ICE1: variants seen among roughly 807,000 people sequenced by gnomAD.
ICE1 encodes little elongation complex subunit 1.
Under a neutral mutation model 192.7 loss-of-function variants are expected in ICE1, and 64 were observed. That is an observed-to-expected ratio of 0.33 (90% CI 0.27 to 0.41). The LOEUF is 0.41. Among genes scored for constraint, ICE1 ranks in the 10% least tolerant of loss-of-function variants. ICE1 has a pLI of 1.00. For missense variants in ICE1, 2,708 were observed against 2,696.0 expected (o/e 1.00, Z -0.10); for synonymous variants, 1,010 against 984.5 (o/e 1.03, Z -0.49).
chr5:5,454,088 A>G (rs1182059556), intron 10 of ICE1, among the ~76,000 whole-genome samples: 1 of 152,090 alleles, frequency 6.6e-6, no homozygotes, highest in Non-Finnish European at 1.5e-5. Flanking sequence ...AAGTCTAGTG[A>G]CTTTTCTGAT....
At chr5:5,455,901 A>G (rs1173461351) in intron 11 of ICE1, among the ~76,000 whole-genome samples, 1 of 151,738 alleles carries the variant, frequency 6.6e-6, no homozygotes, top group Non-Finnish European at 1.5e-5. Flanking sequence ...CAGTACAGGA[A>G]CCCACGTTGC....
rs747920309 is a variant in ICE1 at position 5,457,640 on chromosome 5, A to G, written c.1000A>G (p.Ile334Val). Reference protein sequence around the residue: ...HFFDEDLQAAIDFFKLPPPLL... With the variant: ...HFFDEDLQAAVDFFKLPPPLL... ...TTTTGATGAAGATCTTCAAGCTGCA[A>G]TTGACTTCTTCAAACTTCCCCCTCC... Residue 334 changes from isoleucine (I) to valine (V), a missense_variant, in exon 12 of 19, where the codon ATT (isoleucine) becomes GTT (valine). Transcript: ENST00000296564. The G allele has an allele frequency of 2.3e-5, 37 of 1,613,750 alleles. No homozygotes were observed. The highest frequency in any genetic ancestry group is 2.9e-5 in the Non-Finnish European group (34 of 1,179,860).
intron 17 of ICE1, among the ~76,000 whole-genome samples, chr5:5,480,236 G>T (rs1739460275): frequency 6.7e-6 from 1 of 150,238 alleles, no homozygotes. Context: ...AGTATCTTTG[G>T]ATTTTTCTTT....
intron 4 of ICE1, 105 bp downstream of exon 4, chr5:5,440,018 C>T (rs369588396): frequency 3.1e-6 from 2 of 639,516 alleles, no homozygotes; most frequent in Non-Finnish European, 5.3e-6. Flanking sequence ...GCAAAATGTA[C>T]ATAGGATTAC....
intron 1 of ICE1, among the ~76,000 whole-genome samples, chr5:5,424,075 G>A (rs550076251): frequency 9.3e-4 from 141 of 152,284 alleles, no homozygotes; most frequent in Non-Finnish European, 1.8e-3. Flanking sequence ...GGGATTAACA[G>A]GTGGAAAGGT....
At chr5:5,430,916 A>C (rs374970390) in intron 1 of ICE1, among the ~76,000 whole-genome samples, 2 of 152,240 alleles carry the variant, frequency 1.3e-5, no homozygotes, top group African/African-American at 4.8e-5. Context: ...CTGCTATGCC[A>C]GGGACTGGAT....
chr5:5,473,543 C>A lies in ICE1; in HGVS notation c.6223-15C>A, dbSNP rs772194242. ...TGAAACTCCAGATTTTATTTTATTT[C>A]TTTTCATTTGCTAGAATGCCCCGGT... On this transcript the variant is annotated splice_polypyrimidine_tract_variant and intron_variant, in intron 15 of 18. Coordinates refer to ENST00000296564, the MANE Select transcript of ICE1 (RefSeq NM_015325.3). 8.1e-6 allele frequency: 13 copies of A among 1,595,396 alleles called. No homozygotes were observed. Among genetic ancestry groups the A allele is most frequent in the African/African-American group, 1.4e-5 (1 of 73,630 alleles).
chr5:5,456,696 A>G (rs1296670986), intron 11 of ICE1, among the ~76,000 whole-genome samples: 1 of 152,070 alleles, frequency 6.6e-6, no homozygotes, highest in East Asian at 1.9e-4. Flanking sequence ...TGGATCCTCT[A>G]TAAAACTTAT....
chr5:5,462,271 A>C lies in ICE1; in HGVS notation c.2937A>C (p.Gly979=), dbSNP rs1467759397. ...TTGTGAGAGAAGCTGCAGTGCAGGGAGATGGGCAGAAGCAAAGGCAGCCTC... is the reference window on the plus strand; with the variant it reads ...TTGTGAGAGAAGCTGCAGTGCAGGGCGATGGGCAGAAGCAAAGGCAGCCTC... ...QDIVREAAVQ[G]DGQKQRQPQA... is the part of the protein sequence containing the mutation. The change falls in exon 13 of 19, where the codon GGA becomes GGC. Residue 979 remains glycine, a synonymous_variant. Coordinates refer to ENST00000296564, the MANE Select transcript of ICE1 (RefSeq NM_015325.3). 6.2e-7 allele frequency: 1 copy of C among 1,613,376 alleles called. No individual in the cohort carries two copies. The highest frequency in any genetic ancestry group is 8.5e-7 in the Non-Finnish European group (1 of 1,179,542).
At chr5:5,482,486 CTGA>C (rs1369598016) in intron 17 of ICE1, among the ~76,000 whole-genome samples, 1 of 152,214 alleles carries the variant, frequency 6.6e-6, no homozygotes, top group East Asian at 1.9e-4. Context: ...CTCAGGTCTG[CTGA>C]TGAAGTCGTG....
intron 11 of ICE1, among the ~76,000 whole-genome samples, chr5:5,456,367 G>A (rs1410870914): frequency 1.3e-5 from 2 of 152,158 alleles, no homozygotes; most frequent in Admixed American, 6.5e-5. Context: ...TTTAGTGTTT[G>A]CCAAATAGTG....
In ICE1 at chr5:5,461,533, C is replaced by T; in HGVS notation, c.2199C>T (p.Thr733=). ...ATACAAAAGTAGTAAAAGGCTTGAC[C>T]AAAATACATTCACTTCCTCGGTCAG... ...IEYTKVVKGL[T]KIHSLPRSVF... The change falls in exon 13 of 19, where the codon ACC becomes ACT. Residue 733 remains threonine (T), a synonymous_variant. Coordinates refer to ENST00000296564, the MANE Select transcript of ICE1 (RefSeq NM_015325.3). 1 of 1,613,130 alleles carries T rather than the reference C, an allele frequency of 6.2e-7. No homozygotes were observed. Among genetic ancestry groups the T allele is most frequent in the African/African-American group, 1.3e-5 (1 of 75,004 alleles).
rs1738833775 is a variant in ICE1 at position 5,462,688 on chromosome 5, G to C, written c.3354G>C (p.Glu1118Asp). 1.2e-6 allele frequency: 2 copies of C among 1,613,830 alleles called. No homozygotes were observed. Among genetic ancestry groups the C allele is most frequent in the Non-Finnish European group, 1.7e-6 (2 of 1,179,882 alleles). Residue 1118 changes from glutamate to aspartate, a missense_variant, in exon 13 of 19, where the codon GAG becomes GAC. Glu to Asp is a conservative substitution (Grantham distance 45). This residue lies in a region of ICE1 where 2,366 missense variants were observed against 2,276.6 expected (regional missense o/e 1.04). Transcript: ENST00000296564. Reference protein sequence around the residue: ...EVESEAFSCSEGSEQQDAPDD... With the variant: ...EVESEAFSCSDGSEQQDAPDD... Reference sequence around the variant, plus strand: ...AGAGTGAGGCATTTAGCTGCAGTGAGGGGAGCGAACAGCAAGATGCTCCTG... The same window carrying C: ...AGAGTGAGGCATTTAGCTGCAGTGACGGGAGCGAACAGCAAGATGCTCCTG...
At chr5:5,433,821 T>C (rs1254972501) in intron 1 of ICE1, among the ~76,000 whole-genome samples, 1 of 152,174 alleles carries the variant, frequency 6.6e-6, no homozygotes, top group Non-Finnish European at 1.5e-5. Flanking sequence ...CAAAGTCTTA[T>C]TCATGCATGA....
rs753130669 is a variant in ICE1, at chr5:5,461,872, A to T, written c.2538A>T (p.Glu846Asp). The part of the protein sequence containing the change: ...DLLRENNNPV[E>D]FKTTASVLPN... ...TTAGAGAAAATAACAATCCTGTAGAATTCAAGACCACTGCATCGGTGTTGC... is the reference window on the plus strand; with the variant it reads ...TTAGAGAAAATAACAATCCTGTAGATTTCAAGACCACTGCATCGGTGTTGC... Residue 846 changes from glutamate to aspartate, a missense_variant, in exon 13 of 19, where the codon GAA becomes GAT. Glu to Asp is a conservative substitution (Grantham distance 45). Transcript: ENST00000296564. 1.9e-6 allele frequency: 3 copies of T among 1,613,950 alleles called. No homozygotes were observed. Among genetic ancestry groups the T allele is most frequent in the Non-Finnish European group, 1.7e-6 (2 of 1,179,894 alleles).
intron 14 of ICE1, among the ~76,000 whole-genome samples, chr5:5,467,294 C>G (rs1023229847): frequency 2.0e-5 from 3 of 152,110 alleles, no homozygotes; most frequent in Non-Finnish European, 4.4e-5. Context: ...GTACACTTGT[C>G]CAGTGGGACT....
At chr5:5,424,842 A>G (rs939921763) in intron 1 of ICE1, among the ~76,000 whole-genome samples, 1 of 152,198 alleles carries the variant, frequency 6.6e-6, no homozygotes, top group Non-Finnish European at 1.5e-5. Context: ...TGGGAAGAGC[A>G]AGAAGGCCAG....
Position 5,489,647 on chromosome 5 carries a change from C to CTT in ICE1, c.*318_*319dup, listed in dbSNP as rs1739734150. On this transcript the variant is annotated 3_prime_UTR_variant, in exon 19 of 19. Coordinates refer to ENST00000296564, the MANE Select transcript of ICE1 (RefSeq NM_015325.3). ...GCTGCAGAAAGTGTCCTTTTAGTGG[C>CTT]TTCTTAAAATTGAGTGGCATTTTAT... The CTT allele has an allele frequency of 5.2e-6, 1 of 193,624 alleles. No homozygotes were observed. The allele number at this position is 193,624 out of a possible 1,614,324, so 12.0% of individuals were successfully genotyped here.
At chr5:5,456,700 A>C (rs1434987562) in intron 11 of ICE1, among the ~76,000 whole-genome samples, 1 of 152,098 alleles carries the variant, frequency 6.6e-6, no homozygotes, top group Non-Finnish European at 1.5e-5. Context: ...TCCTCTATAA[A>C]ACTTATTTTT....
Sources: gnomAD v4.1 joint callset for allele counts (sites outside exome capture counted in the v4.1 genomes callset) on GRCh38, gnomAD v4.1.1 for gene constraint, gnomAD v4.1.1 regional missense constraint, MANE v1.5 for transcripts, NCBI Gene and HGNC (gene_info 2026-07-23, HGNC 2026-07-21) for gene names.